Variants in RBM47 observed in about 807,000 individuals in gnomAD.
RBM47 encodes the protein RNA binding motif protein 47.
Under a neutral mutation model 47.1 loss-of-function variants are expected in RBM47, and 21 were observed. That is an observed-to-expected ratio of 0.45 (90% CI 0.32 to 0.64). The LOEUF (loss-of-function observed/expected upper bound fraction) is 0.64. Ranked by LOEUF, RBM47 falls within the 30% of genes least tolerant of loss-of-function variation. The pLI is 0.05. For synonymous variants in RBM47, 375 were observed against 361.7 expected, an observed-to-expected ratio of 1.04 and a Z score of -0.42; for missense variants, 708 against 870.9, an observed-to-expected ratio of 0.81 and a Z score of 2.35.
chr4:40,478,130 C>T (rs1719896450), intron 2 of RBM47, among the ~76,000 whole-genome samples: 4 of 151,174 alleles, frequency 2.6e-5, no homozygotes, highest in African/African-American at 9.8e-5. Context: ...ATTCTCCTGC[C>T]TCAGCCTCCC....
intron 2 of RBM47, among the ~76,000 whole-genome samples, chr4:40,485,765 TAA>T (rs1720980630): frequency 6.6e-6 from 1 of 151,826 alleles, no homozygotes; most frequent in South Asian, 2.1e-4. Flanking sequence ...TATACTGTTA[TAA>T]AGAGAAAATA....
At chr4:40,599,552 T>C (rs1227023855) in intron 1 of RBM47, among the ~76,000 whole-genome samples, 1 of 152,016 alleles carries the variant, frequency 6.6e-6, no homozygotes, top group Non-Finnish European at 1.5e-5. Flanking sequence ...AACCCAGGCC[T>C]GGTAGCTTTG....
intron 1 of RBM47, among the ~76,000 whole-genome samples, chr4:40,583,878 C>A (rs112282608): frequency 4.1e-4 from 23 of 56,530 alleles, no homozygotes; most frequent in East Asian, 6.8e-4. Context: ...AAACAAAAAA[C>A]AAAAAACAAA....
At chr4:40,569,024 C>T (rs34558785) in intron 1 of RBM47, among the ~76,000 whole-genome samples, 6,341 of 126,292 alleles carry the variant, frequency 0.05, 262 homozygotes, top group African/African-American at 0.15. Flanking sequence ...GATAGACAGA[C>T]AGACAGACAG....
chr4:40,425,997 G>T lies in RBM47; in HGVS notation c.1689C>A (p.Ala563=). The T allele has an allele frequency of 6.2e-7, 1 of 1,613,960 alleles. No individual in the cohort carries two copies. The highest frequency in any genetic ancestry group is 1.3e-5 in the African/African-American group (1 of 75,030). The change falls in exon 7 of 7, where the codon GCC becomes GCA. Residue 563 remains alanine (A), a synonymous_variant. Transcript: ENST00000295971. ...ATLQKNAAAA[A]AMYGGYAGYI... The stretch of plus-strand genomic sequence containing the variant: ...AGCCTGCGTATCCTCCATACATGGC[G>T]GCCGCGGCTGCCGCGTTCTTCTGTA...
intron 2 of RBM47, among the ~76,000 whole-genome samples, chr4:40,484,047 T>C (rs1420032594): frequency 5.9e-5 from 9 of 152,134 alleles, no homozygotes; most frequent in African/African-American, 2.2e-4. Flanking sequence ...CCACTAAAAA[T>C]TACATTTATG....
intron 2 of RBM47, among the ~76,000 whole-genome samples, chr4:40,479,928 C>T (rs982493054): frequency 4.6e-5 from 7 of 151,458 alleles, no homozygotes; most frequent in African/African-American, 1.7e-4. Context: ...TATATTAACA[C>T]AGGCAACCCC....
chr4:40,594,589 T>C (rs1353403546), intron 1 of RBM47, among the ~76,000 whole-genome samples: 2 of 152,202 alleles, frequency 1.3e-5, no homozygotes, highest in East Asian at 3.8e-4. Flanking sequence ...TTTCACTTCA[T>C]TCGTGGTCAA....
At chr4:40,493,424 C>A (rs1417852415) in intron 2 of RBM47, among the ~76,000 whole-genome samples, 2 of 152,114 alleles carry the variant, frequency 1.3e-5, no homozygotes, top group Non-Finnish European at 2.9e-5. Context: ...ACTTGGCACA[C>A]GGTAAGTGCT....
chr4:40,445,686 C>T (rs1042099702), intron 3 of RBM47, among the ~76,000 whole-genome samples: 1 of 152,168 alleles, frequency 6.6e-6, no homozygotes, highest in Non-Finnish European at 1.5e-5. Context: ...GGTCATACAC[C>T]TCAACATTGT....
chr4:40,490,663 A>G (rs1377186513), intron 2 of RBM47, among the ~76,000 whole-genome samples: 1 of 152,022 alleles, frequency 6.6e-6, no homozygotes, highest in East Asian at 1.9e-4. Context: ...AGACATAAGA[A>G]TCACTTGAAC....
At position 40,438,083 on chromosome 4, in the gene RBM47, G is replaced by T. The variant is rs1712980239; in HGVS notation, c.811C>A (p.Pro271Thr). 1 of 1,613,870 alleles carries T rather than the reference G, an allele frequency of 6.2e-7. No homozygotes were observed. The highest frequency in any genetic ancestry group is 8.5e-7 in the Non-Finnish European group (1 of 1,180,026). ...TTCTTGACGCGCTCCACGCAGCCGG[G>T]GTTGAACTGGCCGAAGCTCTTCTTG... ...TIKKSFGQFN[P>T]GCVERVKKIR... The change falls in exon 4 of 7, where the codon CCC (proline) becomes ACC (threonine). Residue 271 changes from proline to threonine, a missense_variant. Physicochemically the swap from Pro to Thr is conservative, Grantham distance 38. Transcript: ENST00000295971.
At chr4:40,563,357 CTT>C (rs1730809761) in intron 1 of RBM47, among the ~76,000 whole-genome samples, 1 of 152,314 alleles carries the variant, frequency 6.6e-6, no homozygotes, top group Admixed American at 6.5e-5. Context: ...ATCATGCTTT[CTT>C]TTCTTTCCTT....
intron 2 of RBM47, among the ~76,000 whole-genome samples, chr4:40,509,521 G>A (rs972652889): frequency 1.3e-5 from 2 of 152,070 alleles, no homozygotes; most frequent in Admixed American, 1.3e-4. Context: ...AGAATTACTT[G>A]AGCCCAGGAA....
intron 2 of RBM47, among the ~76,000 whole-genome samples, chr4:40,527,596 T>C (rs1433830609): frequency 6.6e-6 from 1 of 151,154 alleles, no homozygotes; most frequent in Admixed American, 6.6e-5. Context: ...CGGACTAACT[T>C]TTGTATTTTT....
chr4:40,464,351 T>G (rs1194431483), intron 3 of RBM47, among the ~76,000 whole-genome samples: 2 of 152,218 alleles, frequency 1.3e-5, no homozygotes, highest in East Asian at 3.8e-4. Flanking sequence ...TTTTTTCCTA[T>G]ACATATTTAC....
rs1560493336 is a variant in RBM47 at position 40,592,971 on chromosome 4, ATATATATATTTTT to A, written c.-240+36412_-240+36424del. 5.0e-3 allele frequency among the ~76,000 whole-genome samples: 113 copies of A among 22,802 alleles called. 4 individuals carry two copies. Among genetic ancestry groups the A allele is most frequent in the Admixed American group, 0.011 (15 of 1,334 alleles). The allele number at this position is 22,802 out of a possible 152,430, so 15.0% of individuals were successfully genotyped here. A position where few individuals can be genotyped will look rare whatever the true frequency, so the allele number is the denominator to read the frequency against. ...TATATATATATATATATATATATATATATATATATTTTTTTTTTTTTTTTTTTTTTTTTTTTTT... is the reference window on the plus strand; with the variant it reads ...TATATATATATATATATATATATATATTTTTTTTTTTTTTTTTTTTTTTTT... On this transcript the variant is annotated intron_variant, in intron 1 of 6. Coordinates refer to ENST00000295971, the MANE Select transcript of RBM47 (RefSeq NM_001098634.2).
Position 40,582,407 on chromosome 4 carries a change from G to A in RBM47, c.-239-37901C>T, listed in dbSNP as rs549827587. On this transcript the variant is annotated intron_variant, in intron 1 of 6. Coordinates refer to ENST00000295971, the MANE Select transcript of RBM47 (RefSeq NM_001098634.2). ...AAATTAGCCAGGTGTGGTGGTGCGTGCCTGTAATCCCAGCTACTTGGGACG... is the reference window on the plus strand; with the variant it reads ...AAATTAGCCAGGTGTGGTGGTGCGTACCTGTAATCCCAGCTACTTGGGACG... Among the ~76,000 whole-genome samples the A allele has an allele frequency of 9.9e-5, 15 of 152,270 alleles. No individual in the cohort carries two copies. In the South Asian group the frequency reaches 2.9e-3, roughly 29 times the overall value.
chr4:40,625,074 T>G (rs914241914), intron 1 of RBM47, among the ~76,000 whole-genome samples: 2 of 152,044 alleles, frequency 1.3e-5, no homozygotes, highest in Non-Finnish European at 2.9e-5. Flanking sequence ...GATCTCGAAC[T>G]CCTGACCTTG....
Sources: allele counts gnomAD v4.1 joint callset (sites outside exome capture counted in the v4.1 genomes callset), GRCh38; gene constraint gnomAD v4.1.1; transcripts MANE v1.5; gene names NCBI Gene and HGNC (gene_info 2026-07-23, HGNC 2026-07-21).